DHRSX: variants seen among roughly 807,000 people sequenced by gnomAD.
The protein encoded by DHRSX is dehydrogenase/reductase X-linked.
A neutral mutation model predicts 34.0 loss-of-function variants in DHRSX; 31 were observed. The observed-to-expected ratio is 0.91, with a 90% CI of 0.69 to 1.23. DHRSX has a LOEUF of 1.23. Ranked by LOEUF, DHRSX falls within the 50% of genes most tolerant of loss-of-function variation. DHRSX has a pLI of 0.00. For synonymous variants in DHRSX, 201 were observed against 183.8 expected (o/e 1.09, Z -0.76); for missense variants, 414 against 428.1 (o/e 0.97, Z 0.29).
At chrX:2,270,315 C>G (rs1483659663) in intron 4 of DHRSX, among the ~76,000 whole-genome samples, 2 of 152,114 alleles carry the variant, frequency 1.3e-5, no homozygotes, top group Non-Finnish European at 2.9e-5. Flanking sequence ...GTGGCCTTAT[C>G]GACCCAACTT....
At chrX:2,319,094 TA>T (rs906159640) in intron 3 of DHRSX, among the ~76,000 whole-genome samples, 27 of 151,872 alleles carry the variant, frequency 1.8e-4, no homozygotes, top group East Asian at 1.7e-3. Context: ...AACAGTGGGT[TA>T]AAAAAAATCA....
At chrX:2,229,934 CAT>C (rs1253898145) in intron 6 of DHRSX, among the ~76,000 whole-genome samples, 2 of 152,074 alleles carry the variant, frequency 1.3e-5, no homozygotes, top group Admixed American at 6.5e-5. Flanking sequence ...CATGAATGCA[CAT>C]GTGAATATGT....
chrX:2,235,891 A>G (rs2016003292), intron 6 of DHRSX, among the ~76,000 whole-genome samples: 1 of 150,342 alleles, frequency 6.7e-6, no homozygotes, highest in South Asian at 2.1e-4. Context: ...AGGCGGGCGG[A>G]TCACGAGGTC....
chrX:2,407,624 A>G (rs988935183), intron 3 of DHRSX, among the ~76,000 whole-genome samples: 21 of 152,192 alleles, frequency 1.4e-4, no homozygotes, highest in African/African-American at 3.6e-4. Flanking sequence ...ATTCGGGAGC[A>G]TTTGCAAAAC....
chrX:2,346,423 G>T (rs2042712776), intron 3 of DHRSX, among the ~76,000 whole-genome samples: 3 of 152,084 alleles, frequency 2.0e-5, no homozygotes, highest in African/African-American at 7.2e-5. Context: ...GCAAATCAGT[G>T]TATTTTTCAC....
chrX:2,271,564 G>A (rs2041554990), intron 4 of DHRSX, among the ~76,000 whole-genome samples: 1 of 152,160 alleles, frequency 6.6e-6, no homozygotes, highest in Non-Finnish European at 1.5e-5. Flanking sequence ...TTTATTCCCT[G>A]AGCTTATGCC....
intron 4 of DHRSX, among the ~76,000 whole-genome samples, chrX:2,288,172 G>T (rs1323844796): frequency 6.6e-6 from 1 of 152,022 alleles, no homozygotes; most frequent in Non-Finnish European, 1.5e-5. Context: ...AGAGAGAAGG[G>T]AAGAGAGGGA....
At chrX:2,490,576 G>A (rs1204247735) in intron 1 of DHRSX, 2 of 1,613,996 alleles carry the variant, frequency 1.2e-6, no homozygotes, top group African/African-American at 1.3e-5. Context: ...CCATGCAGAT[G>A]CGGCAGTAGA....
At chrX:2,298,217 T>C (rs2041957884) in intron 3 of DHRSX, among the ~76,000 whole-genome samples, 1 of 151,688 alleles carries the variant, frequency 6.6e-6, no homozygotes, top group African/African-American at 2.4e-5. Context: ...CCCTAGAGCG[T>C]CTGGATGGAG....
chrX:2,361,298 G>A (rs753018866), intron 3 of DHRSX, among the ~76,000 whole-genome samples: 2 of 152,152 alleles, frequency 1.3e-5, no homozygotes, highest in South Asian at 4.2e-4. Context: ...GTAGAGATGG[G>A]ATTTCACCAT....
At chrX:2,398,977 C>G (rs930117409) in intron 3 of DHRSX, among the ~76,000 whole-genome samples, 7 of 152,026 alleles carry the variant, frequency 4.6e-5, no homozygotes, top group Admixed American at 2.6e-4. Context: ...CTCAGCCTCC[C>G]GAGTAGCTGG....
intron 3 of DHRSX, among the ~76,000 whole-genome samples, chrX:2,295,059 T>C (rs978182058): frequency 2.0e-5 from 3 of 152,094 alleles, no homozygotes; most frequent in African/African-American, 7.2e-5. Flanking sequence ...ATTTGACCCA[T>C]CAATCCCGTT....
rs1473974526 is a variant in DHRSX at position 2,353,875 on chromosome X, C to T, written c.286+54870G>A. Among the ~76,000 whole-genome samples the T allele has an allele frequency of 2.0e-5, 3 of 151,928 alleles. No individual in the cohort carries two copies. The South Asian group carries it at 6.2e-4, about 32-fold the overall frequency. Reference sequence around the variant, plus strand: ...GCTGGGATTACAGGAGCCAGGCCTACACGTGGTTTTTAAGGGCCAGCAAAT... The same window carrying T: ...GCTGGGATTACAGGAGCCAGGCCTATACGTGGTTTTTAAGGGCCAGCAAAT... On this transcript the variant is annotated intron_variant, in intron 3 of 6. Coordinates refer to ENST00000334651, the MANE Select transcript of DHRSX (RefSeq NM_145177.3).
chrX:2,467,775 G>A (rs2044519039), intron 1 of DHRSX, among the ~76,000 whole-genome samples: 1 of 152,006 alleles, frequency 6.6e-6, no homozygotes, highest in African/African-American at 2.4e-5. Context: ...AGGGGTTTGA[G>A]ACCAGCCTGA....
At chrX:2,349,222 C>A (rs1242087895) in intron 3 of DHRSX, among the ~76,000 whole-genome samples, 4 of 151,948 alleles carry the variant, frequency 2.6e-5, no homozygotes, top group African/African-American at 9.7e-5. Flanking sequence ...GCAGTATTCA[C>A]AATCACCAAG....
At chrX:2,238,352 A>G (rs755475150) in intron 6 of DHRSX, among the ~76,000 whole-genome samples, 33 of 152,174 alleles carry the variant, frequency 2.2e-4, no homozygotes, top group African/African-American at 7.0e-4. Context: ...GCGAGACCCC[A>G]TCTCAAAAAC....
chrX:2,239,997 A>G (rs1469232909), intron 6 of DHRSX, among the ~76,000 whole-genome samples: 2 of 152,130 alleles, frequency 1.3e-5, no homozygotes, highest in Non-Finnish European at 2.9e-5. Context: ...CAAACTGCAA[A>G]ATAAGGGATG....
intron 4 of DHRSX, among the ~76,000 whole-genome samples, chrX:2,274,849 T>G (rs2041603956): frequency 6.6e-6 from 1 of 152,142 alleles, no homozygotes; most frequent in African/African-American, 2.4e-5. Flanking sequence ...ATTGTTTTGT[T>G]GTTGAGTTCT....
At chrX:2,455,807 T>C (rs185409459) in intron 1 of DHRSX, among the ~76,000 whole-genome samples, 2 of 150,834 alleles carry the variant, frequency 1.3e-5, no homozygotes, top group Non-Finnish European at 3.0e-5. Flanking sequence ...ATGGGGAACA[T>C]TTTACTGATT....
Sources: allele counts gnomAD v4.1 joint callset (sites outside exome capture counted in the v4.1 genomes callset), GRCh38; gene constraint gnomAD v4.1.1; transcripts MANE v1.5; gene names NCBI Gene and HGNC (gene_info 2026-07-23, HGNC 2026-07-21).